Variants in NCAPD3 observed in about 807,000 individuals in gnomAD.
NCAPD3 encodes condensin-2 complex subunit D3.
Under a neutral mutation model 182.9 loss-of-function variants are expected in NCAPD3, and 105 were observed. The ratio of observed to expected loss-of-function variants is 0.57; its 90% confidence interval spans 0.49 to 0.68. NCAPD3 has a LOEUF of 0.68. Among genes scored for constraint, NCAPD3 ranks in the 30% least tolerant of loss-of-function variants. The probability of loss-of-function intolerance (pLI) is 0.00; values close to 1 mark genes in which losing one functional copy is unlikely to be tolerated. For missense variants in NCAPD3, 1,944 were observed against 1,837.0 expected (o/e 1.06, Z -1.07); for synonymous variants, 815 against 679.9 (o/e 1.20, Z -3.09).
intron 32 of NCAPD3, among the ~76,000 whole-genome samples, chr11:134,155,849 G>A (rs997256190): frequency 2.0e-5 from 3 of 150,314 alleles, no homozygotes; most frequent in Admixed American, 1.3e-4. Flanking sequence ...TCATGATTCG[G>A]TTGTCGTCTG....
At chr11:134,174,064 C>G (rs1458881441) in intron 24 of NCAPD3, among the ~76,000 whole-genome samples, 1 of 152,064 alleles carries the variant, frequency 6.6e-6, no homozygotes, top group Non-Finnish European at 1.5e-5. Context: ...CCACCATAGT[C>G]TCTTCCTAAG....
At chr11:134,165,549 G>A (rs917929097) in intron 27 of NCAPD3, among the ~76,000 whole-genome samples, 1 of 146,340 alleles carries the variant, frequency 6.8e-6, no homozygotes, top group Admixed American at 6.8e-5. Context: ...TAGGGGAGCA[G>A]CACACTCACT....
chr11:134,160,224 GCCC>G (rs1012041986), intron 28 of NCAPD3, 150 bp from the exon 29 acceptor site: 26 of 717,974 alleles, frequency 3.6e-5, no homozygotes, highest in Middle Eastern at 3.0e-4. Flanking sequence ...AAAGAAAAAA[GCCC>G]CCCAAGTCAT....
chr11:134,156,107 C>G (rs556563492), intron 32 of NCAPD3, among the ~76,000 whole-genome samples: 2 of 152,354 alleles, frequency 1.3e-5, no homozygotes, highest in South Asian at 4.1e-4. Context: ...GCAGTCAGGA[C>G]TAGGAGACAG....
chr11:134,220,285 T>A (rs1163451257), intron 2 of NCAPD3, among the ~76,000 whole-genome samples: 2 of 151,602 alleles, frequency 1.3e-5, no homozygotes, highest in Admixed American at 6.6e-5. Flanking sequence ...CCTCTCAAAG[T>A]GCTGGGATTA....
chr11:134,188,156 C>T (rs1338049956), intron 16 of NCAPD3, among the ~76,000 whole-genome samples: 4 of 152,124 alleles, frequency 2.6e-5, no homozygotes, highest in Non-Finnish European at 4.4e-5. Context: ...TGTAAATGCA[C>T]CAATCAGCAC....
chr11:134,155,061 C>T lies in NCAPD3; in HGVS notation c.4253-1698G>A, dbSNP rs759485867. On this transcript the variant is annotated intron_variant, in intron 32 of 34. Transcript: ENST00000534548. ...AGAAGCCCGGGTGCGGGGGCTCTGA[C>T]GTCCCCCATGCACTGTGCGTAGAAT... Among the ~76,000 whole-genome samples, 23 of 152,282 alleles carry T rather than the reference C, an allele frequency of 1.5e-4. 1 individual carries two copies. In the South Asian group the frequency reaches 4.1e-3, roughly 27 times the overall value.
At chr11:134,157,126 A>C in intron 31 of NCAPD3, 31 bp from the exon 32 acceptor site, 1 of 1,557,612 alleles carries the variant, frequency 6.4e-7, no homozygotes, top group Non-Finnish European at 8.8e-7. Context: ...CTATCCAGAA[A>C]TACCCCCAAA....
At chr11:134,173,398 T>C (rs1944066986) in intron 24 of NCAPD3, 1 of 153,578 alleles carries the variant, frequency 6.5e-6, no homozygotes, top group African/African-American at 2.4e-5. Flanking sequence ...TGGTTCTGTG[T>C]GCAAGAGGTA....
chr11:134,199,204 T>C (rs994786438), intron 13 of NCAPD3, among the ~76,000 whole-genome samples: 9 of 152,196 alleles, frequency 5.9e-5, no homozygotes, highest in African/African-American at 2.2e-4. Flanking sequence ...TATCACAGGA[T>C]ACTATGTTAA....
intron 2 of NCAPD3, among the ~76,000 whole-genome samples, 179 bp from the exon 3 acceptor site, chr11:134,217,277 T>C (rs1252867961): frequency 6.6e-6 from 1 of 152,198 alleles, no homozygotes; most frequent in Non-Finnish European, 1.5e-5. Flanking sequence ...ATTAAAGGTA[T>C]ATTATTCAAA....
rs200242569 is a variant in NCAPD3 at position 134,168,595 on chromosome 11, G to A, written c.3247C>T (p.Arg1083Trp). 7.7e-5 allele frequency: 125 copies of A among 1,613,866 alleles called. No individual in the cohort carries two copies. The highest frequency in any genetic ancestry group is 1.0e-4 in the Non-Finnish European group (120 of 1,180,010). The change falls in exon 26 of 35, where the codon CGG becomes TGG. Residue 1083 changes from arginine (R) to tryptophan (W), a missense_variant. Arg to Trp is a moderately radical substitution (Grantham distance 101). This residue lies in a region of NCAPD3 where 1,803 missense variants were observed against 1,674.6 expected (regional missense o/e 1.08). Transcript: ENST00000534548. ...NKFPQSEREK[R>W]LFSLKGKSNK... Reference sequence around the variant, plus strand: ...GACTTTCCCTTCAATGAAAACAGCCGCTTCTCTCTGTGGCAGAACGGGACA... The same window carrying A: ...GACTTTCCCTTCAATGAAAACAGCCACTTCTCTCTGTGGCAGAACGGGACA...
At position 134,163,069 on chromosome 11, in the gene NCAPD3, G is replaced by A. The variant is rs138561591; in HGVS notation, c.3574-1178C>T. Among the ~76,000 whole-genome samples the A allele has an allele frequency of 1.9e-3, 288 of 152,268 alleles. 2 individuals carry two copies. Among genetic ancestry groups the A allele is most frequent in the African/African-American group, 6.8e-3 (284 of 41,544 alleles). On this transcript the variant is annotated intron_variant, in intron 27 of 34. Coordinates refer to ENST00000534548, the MANE Select transcript of NCAPD3 (RefSeq NM_015261.3). ...GAGGTGCAGATGGCAATTTGAAGTG[G>A]AGAGGTTAGAGGTGAGGATGGAGGG...
chr11:134,157,979 C>T lies in NCAPD3; in HGVS notation c.4123G>A (p.Val1375Met), dbSNP rs1462574112. ...CCAGAATTTAAAGTGAAAGGCAGCA[C>T]TCCTAAGCTCCGACTCCGATGCCTG... ...KSRHRSRSLG[V>M]LPFTLNSGSP... is the part of the protein sequence containing the mutation. The change falls in exon 31 of 35, where the codon GTG (valine) becomes ATG (methionine). Residue 1375 changes from valine (V) to methionine (M), a missense_variant. By Grantham distance (21) the Val-to-Met change is conservative. Transcript: ENST00000534548. 2.5e-6 allele frequency: 4 copies of T among 1,614,098 alleles called. No homozygotes were observed. In the African/African-American group the frequency reaches 5.3e-5, roughly 22 times the overall value.
intron 27 of NCAPD3, among the ~76,000 whole-genome samples, chr11:134,163,123 G>A (rs1390569083): frequency 6.6e-6 from 1 of 152,202 alleles, no homozygotes; most frequent in Non-Finnish European, 1.5e-5. Context: ...AGGCACACCA[G>A]AAGTTCTTGT....
intron 20 of NCAPD3, among the ~76,000 whole-genome samples, chr11:134,180,765 C>T (rs1223191578): frequency 2.6e-5 from 4 of 152,114 alleles, no homozygotes; most frequent in Non-Finnish European, 5.9e-5. Flanking sequence ...TTATTTCTTA[C>T]CTTACATTTC....
At chr11:134,165,682 T>C (rs115462785) in intron 27 of NCAPD3, among the ~76,000 whole-genome samples, 9,602 of 107,206 alleles carry the variant, frequency 0.09, 411 homozygotes, top group African/African-American at 0.13. Flanking sequence ...AGCATACTCA[T>C]TTGTGAGATG....
chr11:134,222,416 C>A (rs530650079), intron 1 of NCAPD3, among the ~76,000 whole-genome samples: 1 of 152,146 alleles, frequency 6.6e-6, no homozygotes, highest in African/African-American at 2.4e-5. Flanking sequence ...AAAAAAGCAG[C>A]CTATGATAGA....
At chr11:134,196,645 CA>C (rs998502328) in intron 13 of NCAPD3, among the ~76,000 whole-genome samples, 102 of 57,882 alleles carry the variant, frequency 1.8e-3, no homozygotes, top group African/African-American at 3.2e-3. Flanking sequence ...AACTCCATCT[CA>C]AAAAAAAAAA....
Sources: gnomAD v4.1 joint callset for allele counts (sites outside exome capture counted in the v4.1 genomes callset) on GRCh38, gnomAD v4.1.1 for gene constraint, gnomAD v4.1.1 regional missense constraint, MANE v1.5 for transcripts, NCBI Gene and HGNC (gene_info 2026-07-23, HGNC 2026-07-21) for gene names.